Variants in PTPRD observed in about 807,000 individuals in gnomAD.
PTPRD encodes the protein receptor-type tyrosine-protein phosphatase delta.
PTPRD carries 34 observed loss-of-function variants against 214.5 expected under a neutral mutation model. The observed-to-expected ratio is 0.16, with a 90% confidence interval of 0.12 to 0.21. PTPRD has a LOEUF of 0.21. Among genes scored for constraint, PTPRD ranks in the 10% least tolerant of loss-of-function variants. The pLI is 1.00. For synonymous variants in PTPRD, 1,128 were observed against 845.7 expected (o/e 1.33, Z -5.79); for missense variants, 2,545 against 2,398.7 (o/e 1.06, Z -1.27).
chr9:9,521,140 C>A (rs1015804881), intron 8 of PTPRD, among the ~76,000 whole-genome samples: 1 of 152,194 alleles, frequency 6.6e-6, no homozygotes, highest in Non-Finnish European at 1.5e-5. Flanking sequence ...AACCTGTTCT[C>A]TGGCTGCTTG....
intron 11 of PTPRD, among the ~76,000 whole-genome samples, chr9:8,780,385 C>T (rs1349586073): frequency 6.6e-6 from 1 of 152,124 alleles, no homozygotes; most frequent in Non-Finnish European, 1.5e-5. Context: ...CTAGGCACAG[C>T]AGACACAATA....
chr9:10,199,246 C>A (rs931395210), intron 3 of PTPRD, among the ~76,000 whole-genome samples: 1 of 152,004 alleles, frequency 6.6e-6, no homozygotes. Context: ...CATTCTATTT[C>A]TTACCGTAAT....
chr9:10,434,536 T>G (rs867163181), intron 2 of PTPRD, among the ~76,000 whole-genome samples: 20 of 151,866 alleles, frequency 1.3e-4, no homozygotes, highest in Non-Finnish European at 2.5e-4. Flanking sequence ...ATTCTTTCTC[T>G]TAAAAAAGAA....
At chr9:10,577,848 T>C (rs1272595176) in intron 2 of PTPRD, among the ~76,000 whole-genome samples, 1 of 152,022 alleles carries the variant, frequency 6.6e-6, no homozygotes, top group Non-Finnish European at 1.5e-5. Context: ...ATAGTAATAG[T>C]TCATGTTTAT....
chr9:8,556,671 G>A lies in PTPRD; in HGVS notation c.353-27892C>T, dbSNP rs915802620. The stretch of plus-strand genomic sequence containing the variant: ...TATACAAGGGTTTGCTATATTATAA[G>A]AGGTCACTTTCACTATGCACTTAGT... On this transcript the variant is annotated intron_variant, in intron 14 of 45. Coordinates refer to ENST00000381196, the MANE Select transcript of PTPRD (RefSeq NM_002839.4). Among the ~76,000 whole-genome samples, 3 of 152,058 alleles carry A rather than the reference G, an allele frequency of 2.0e-5. No individual in the cohort carries two copies. The South Asian group carries it at 6.2e-4, about 32-fold the overall frequency.
Position 8,486,275 on chromosome 9 carries a change from C to T in PTPRD, c.2542G>A (p.Asp848Asn), listed in dbSNP as rs775966181. 6.2e-7 allele frequency: 1 copy of T among 1,614,170 alleles called. No homozygotes were observed. The highest frequency in any genetic ancestry group is 8.5e-7 in the Non-Finnish European group (1 of 1,180,014). ...TAGCCCTGAAGAGGTCCAAATGTGT[C>T]CACCGGAGGGTGCCACTGAATAAGA... ...TALIQWHPPVDTFGPLQGYRL... is the reference protein window; with the variant it reads ...TALIQWHPPVNTFGPLQGYRL... The change falls in exon 28 of 46, where the codon GAC becomes AAC. Residue 848 changes from aspartate to asparagine, a missense_variant. By Grantham distance (23) the Asp-to-Asn change is conservative (BLOSUM62 1). Transcript: ENST00000381196.
chr9:10,406,705 T>C (rs1456849518), intron 2 of PTPRD, among the ~76,000 whole-genome samples: 2 of 151,658 alleles, frequency 1.3e-5, no homozygotes, highest in Non-Finnish European at 3.0e-5. Context: ...ATCAATTTTC[T>C]CTAAAGGTGG....
chr9:9,030,557 A>G (rs1460905422), intron 10 of PTPRD, among the ~76,000 whole-genome samples: 1 of 151,802 alleles, frequency 6.6e-6, no homozygotes, highest in African/African-American at 2.4e-5. Flanking sequence ...TATACCATGC[A>G]TAAAGGAAAC....
intron 22 of PTPRD, among the ~76,000 whole-genome samples, chr9:8,505,823 T>A (rs1008239676): frequency 2.0e-5 from 3 of 152,136 alleles, no homozygotes; most frequent in African/African-American, 4.8e-5. Flanking sequence ...AGCATCACAA[T>A]TCTCCTTTAC....
chr9:9,190,418 G>C (rs1260534334), intron 9 of PTPRD, among the ~76,000 whole-genome samples: 1 of 151,982 alleles, frequency 6.6e-6, no homozygotes, highest in East Asian at 1.9e-4. Flanking sequence ...GGTTTATCAG[G>C]GGTTTCTGTT....
intron 10 of PTPRD, among the ~76,000 whole-genome samples, chr9:9,137,280 T>C (rs779429817): frequency 6.6e-6 from 1 of 152,194 alleles, no homozygotes; most frequent in Non-Finnish European, 1.5e-5. Flanking sequence ...TGTATAACCT[T>C]CCTTGGGCTA....
At chr9:9,710,336 T>C (rs1020752015) in intron 7 of PTPRD, among the ~76,000 whole-genome samples, 7 of 152,122 alleles carry the variant, frequency 4.6e-5, no homozygotes, top group African/African-American at 1.4e-4. Context: ...TAGTCTTAAC[T>C]TCTTTCCACA....
At chr9:9,319,067 T>C (rs1021144882) in intron 9 of PTPRD, among the ~76,000 whole-genome samples, 2 of 152,198 alleles carry the variant, frequency 1.3e-5, no homozygotes, top group Non-Finnish European at 2.9e-5. Flanking sequence ...CAGGCTGCAA[T>C]AGGCTTGACG....
intron 37 of PTPRD, among the ~76,000 whole-genome samples, chr9:8,379,616 T>C (rs1377678300): frequency 6.6e-6 from 1 of 152,170 alleles, no homozygotes; most frequent in East Asian, 1.9e-4. Context: ...TGTTTTCCTT[T>C]GACAACTTTC....
intron 14 of PTPRD, among the ~76,000 whole-genome samples, chr9:8,575,252 A>C (rs985530012): frequency 6.6e-6 from 1 of 152,150 alleles, no homozygotes; most frequent in Non-Finnish European, 1.5e-5. Flanking sequence ...AAAAGGAAAA[A>C]GGCGATTATA....
chr9:9,960,963 A>G (rs942066159), intron 4 of PTPRD, among the ~76,000 whole-genome samples: 3 of 152,154 alleles, frequency 2.0e-5, no homozygotes, highest in Non-Finnish European at 4.4e-5. Context: ...CAAATTTACA[A>G]GAAAAAAACA....
chr9:9,757,318 T>C (rs1335695617), intron 6 of PTPRD, among the ~76,000 whole-genome samples: 1 of 152,180 alleles, frequency 6.6e-6, no homozygotes, highest in African/African-American at 2.4e-5. Flanking sequence ...AATATCATGA[T>C]AAAAGACAAA....
At chr9:9,435,702 TATA>T (rs1389464082) in intron 8 of PTPRD, among the ~76,000 whole-genome samples, 3 of 152,110 alleles carry the variant, frequency 2.0e-5, no homozygotes, top group Non-Finnish European at 4.4e-5. Context: ...AAAATATGAC[TATA>T]ATAATTGAAT....
intron 10 of PTPRD, among the ~76,000 whole-genome samples, chr9:9,099,480 T>C (rs1235842860): frequency 6.6e-6 from 1 of 152,178 alleles, no homozygotes; most frequent in Non-Finnish European, 1.5e-5. Context: ...CGATACTTTT[T>C]ATGCCTGCCT....
Sources: allele counts gnomAD v4.1 joint callset (sites outside exome capture counted in the v4.1 genomes callset), GRCh38; gene constraint gnomAD v4.1.1; transcripts MANE v1.5; gene names NCBI Gene and HGNC (gene_info 2026-07-23, HGNC 2026-07-21).